ST8SIA3: variants seen among roughly 807,000 people sequenced by gnomAD.
The protein encoded by ST8SIA3 is ST8 alpha-N-acetyl-neuraminide alpha-2,8-sialyltransferase 3, also known as alpha-N-acetylneuraminate alpha-2,8-sialyltransferase ST8SIA3.
Under a neutral mutation model 34.5 loss-of-function variants are expected in ST8SIA3, and 17 were observed. The ratio of observed to expected loss-of-function variants is 0.49; its 90% CI spans 0.34 to 0.74. The LOEUF (loss-of-function observed/expected upper bound fraction) is 0.74, where lower values mean the gene tolerates loss of function less well. ST8SIA3 is among the 30% of genes least tolerant of loss of function. The pLI is 0.01. For missense variants in ST8SIA3, 354 were observed against 467.8 expected (o/e 0.76, Z 2.24); for synonymous variants, 172 against 176.1 (o/e 0.98, Z 0.19).
chr18:57,354,209 G>A (rs924962331), intron 1 of ST8SIA3, among the ~76,000 whole-genome samples, 193 bp from the exon 2 acceptor site: 8 of 152,212 alleles, frequency 5.3e-5, no homozygotes, highest in Non-Finnish European at 1.2e-4. Context: ...ATGCAGATGG[G>A]GTTCCCTAGT....
chr18:57,368,486 T>C lies in ST8SIA3; in HGVS notation c.*8209T>C, dbSNP rs982540581. 2.0e-5 allele frequency: 3 copies of C among 152,206 alleles called. No individual in the cohort carries two copies. Among genetic ancestry groups the C allele is most frequent in the Non-Finnish European group, 4.4e-5 (3 of 68,034 alleles). The allele number at this position is 152,206 out of a possible 1,614,324, so 9.4% of individuals were successfully genotyped here. On this transcript the variant is annotated 3_prime_UTR_variant, in exon 4 of 4. Coordinates refer to ENST00000324000, the MANE Select transcript of ST8SIA3 (RefSeq NM_015879.3). ...GCCCGCTCACCCCGTCACTCAACAC[T>C]TGATGCATTTGTTTTGGAAAGTGCC... is the stretch of plus-strand genomic sequence containing the variant.
chr18:57,360,146 T>C lies in ST8SIA3; in HGVS notation c.1012T>C (p.Tyr338His). The change falls in exon 4 of 4, where the codon TAC (tyrosine) becomes CAC (histidine). Residue 338 changes from tyrosine to histidine, a missense_variant. Transcript: ENST00000324000. ...PNTREDLPYH[Y>H]YDKKGTKFTT... ...CACAAGGGAAGATCTTCCATACCAT[T>C]ACTATGACAAAAAAGGAACCAAATT... 1 of 1,614,142 alleles carries C rather than the reference T, an allele frequency of 6.2e-7. No individual in the cohort carries two copies. The highest frequency in any genetic ancestry group is 8.5e-7 in the Non-Finnish European group (1 of 1,180,012).
chr18:57,357,533 C>G, intron 3 of ST8SIA3, 63 bp downstream of exon 3: 1 of 1,342,090 alleles, frequency 7.5e-7, no homozygotes, highest in Admixed American at 1.9e-5. Context: ...GTTGTAATCT[C>G]TTGGGGGTGG....
Position 57,364,319 on chromosome 18 carries a change from A to T in ST8SIA3, c.*4042A>T, listed in dbSNP as rs1162836745. On this transcript the variant is annotated 3_prime_UTR_variant, in exon 4 of 4. Coordinates refer to ENST00000324000, the MANE Select transcript of ST8SIA3 (RefSeq NM_015879.3). ...TTGTTGTGTTCTTCTCCATATATAT[A>T]CAACTTTCATCGGGGTCCCTTGAGT... 6.6e-6 allele frequency: 1 copy of T among 152,208 alleles called. No homozygotes were observed. The highest frequency in any genetic ancestry group is 1.9e-4 in the East Asian group (1 of 5,198). 9.4% of individuals were successfully genotyped at this position (152,208 alleles called of 1,614,324 possible).
At position 57,364,960 on chromosome 18, in the gene ST8SIA3, C is replaced by G. The variant is rs1414981233; in HGVS notation, c.*4683C>G. On this transcript the variant is annotated 3_prime_UTR_variant, in exon 4 of 4. Coordinates refer to ENST00000324000, the MANE Select transcript of ST8SIA3 (RefSeq NM_015879.3). ...AAGCCTATTCTCTTGTTGTTGATGA[C>G]AGTGGCATCAGAGTGAAGAGTTGTT... 1 of 152,186 alleles carries G rather than the reference C, an allele frequency of 6.6e-6. No homozygotes were observed. The highest frequency in any genetic ancestry group is 2.4e-5 in the African/African-American group (1 of 41,436). 9.4% of individuals were successfully genotyped at this position (152,186 alleles called of 1,614,324 possible). A position where few individuals can be genotyped will look rare whatever the true frequency, so the allele number is the denominator to read the frequency against.
chr18:57,353,317 G>A (rs1236886427), intron 1 of ST8SIA3, among the ~76,000 whole-genome samples: 3 of 152,170 alleles, frequency 2.0e-5, no homozygotes, highest in Non-Finnish European at 4.4e-5. Context: ...GCTTTCAGGA[G>A]GGTGAGGGTG....
At chr18:57,358,150 T>C (rs1165198563) in intron 3 of ST8SIA3, among the ~76,000 whole-genome samples, 1 of 152,192 alleles carries the variant, frequency 6.6e-6, no homozygotes, top group Non-Finnish European at 1.5e-5. Context: ...CTAATGTAAA[T>C]TATCTGGTGG....
At position 57,357,114 on chromosome 18, in the gene ST8SIA3, T is replaced by C; in HGVS notation, c.504T>C (p.Ser168=). ...ATATTTGTGCTGTGGTTGGAAATAG[T>C]GGGATCCTGACAGGGAGCCAGTGTG... ...HYNICAVVGN[S]GILTGSQCGQ... The change falls in exon 3 of 4, where the codon AGT becomes AGC. Residue 168 remains serine (S), a synonymous_variant. Coordinates refer to ENST00000324000, the MANE Select transcript of ST8SIA3 (RefSeq NM_015879.3). The C allele has an allele frequency of 6.2e-7, 1 of 1,614,096 alleles. No homozygotes were observed. The highest frequency in any genetic ancestry group is 8.5e-7 in the Non-Finnish European group (1 of 1,179,982).
chr18:57,357,924 A>T (rs918192826), intron 3 of ST8SIA3, among the ~76,000 whole-genome samples: 3 of 152,256 alleles, frequency 2.0e-5, no homozygotes, highest in African/African-American at 7.2e-5. Context: ...CACCTAAATC[A>T]TAAATTGCAC....
In ST8SIA3 at chr18:57,363,143, A is replaced by G. The variant is rs1342095269; in HGVS notation, c.*2866A>G. On this transcript the variant is annotated 3_prime_UTR_variant, in exon 4 of 4. Coordinates refer to ENST00000324000, the MANE Select transcript of ST8SIA3 (RefSeq NM_015879.3). ...TTCAGCTATTGGAATACATTTTACC[A>G]TAAAGCCCCCAAGGCTTTCTACCCA... 1 of 152,248 alleles carries G rather than the reference A, an allele frequency of 6.6e-6. No homozygotes were observed. 9.4% of individuals were successfully genotyped at this position (152,248 alleles called of 1,614,324 possible).
At chr18:57,354,132 C>G (rs1210798749) in intron 1 of ST8SIA3, among the ~76,000 whole-genome samples, 1 of 152,234 alleles carries the variant, frequency 6.6e-6, no homozygotes, top group African/African-American at 2.4e-5. Flanking sequence ...GCCCTGCGCC[C>G]GGCGTGCGCC....
intron 2 of ST8SIA3, among the ~76,000 whole-genome samples, chr18:57,355,700 T>C (rs1339767115): frequency 6.6e-6 from 1 of 152,192 alleles, no homozygotes; most frequent in Non-Finnish European, 1.5e-5. Context: ...AAAACATGTT[T>C]CTAACTCAAT....
At chr18:57,354,256 G>C (rs913734556) in intron 1 of ST8SIA3, 146 bp from the exon 2 acceptor site, 2 of 949,802 alleles carry the variant, frequency 2.1e-6, no homozygotes, top group Non-Finnish European at 3.2e-6. Flanking sequence ...GGGAGCAGAG[G>C]GTGGACCAAA....
rs1349662455 is a variant in ST8SIA3, at chr18:57,368,507, G to C, written c.*8230G>C. On this transcript the variant is annotated 3_prime_UTR_variant, in exon 4 of 4. Transcript: ENST00000324000. The stretch of plus-strand genomic sequence containing the variant: ...ACACTTGATGCATTTGTTTTGGAAA[G>C]TGCCATTTTATGCTGAGATACTGGT... The C allele has an allele frequency of 1.3e-5, 2 of 152,208 alleles. No individual in the cohort carries two copies. The highest frequency in any genetic ancestry group is 4.8e-5 in the African/African-American group (2 of 41,440). 9.4% of individuals were successfully genotyped at this position (152,208 alleles called of 1,614,324 possible).
chr18:57,354,871 A>G (rs2144199463), intron 2 of ST8SIA3, among the ~76,000 whole-genome samples: 1 of 151,122 alleles, frequency 6.6e-6, no homozygotes, highest in East Asian at 2.0e-4. Context: ...AAAAAAAAAC[A>G]GACAAAAGGT....
At position 57,353,006 on chromosome 18, in the gene ST8SIA3, A is replaced by C; in HGVS notation, c.160A>C (p.Met54Leu). 2.5e-6 allele frequency: 4 copies of C among 1,609,406 alleles called. No individual in the cohort carries two copies. The highest frequency in any genetic ancestry group is 3.4e-6 in the Non-Finnish European group (4 of 1,179,868). ...CAGCCCGGGGGCGCCCCGAATGTACATGTTCCACGCGGGATTCCGGTGAGT... is the reference window on the plus strand; with the variant it reads ...CAGCCCGGGGGCGCCCCGAATGTACCTGTTCCACGCGGGATTCCGGTGAGT... ...YASPGAPRMY[M>L]FHAGFRSQFA... The change falls in exon 1 of 4, where the codon ATG (methionine) becomes CTG (leucine). Residue 54 changes from methionine to leucine, a missense_variant. Met to Leu is a conservative substitution (Grantham distance 15). Transcript: ENST00000324000.
At position 57,360,363 on chromosome 18, in the gene ST8SIA3, T is replaced by C. The variant is rs775608973; in HGVS notation, c.*86T>C. 3.8e-5 allele frequency: 49 copies of C among 1,293,174 alleles called. No homozygotes were observed. Among genetic ancestry groups the C allele is most frequent in the Non-Finnish European group, 4.8e-5 (45 of 945,600 alleles). 80.1% of individuals were successfully genotyped at this position (1,293,174 alleles called of 1,614,324 possible). On this transcript the variant is annotated 3_prime_UTR_variant, in exon 4 of 4. Transcript: ENST00000324000. ...GCCTTCAGAATAGAACCCTAGAGAA[T>C]GTCTTATAAGGATTGTCTGCCATTT...
chr18:57,358,110 A>G (rs567413838), intron 3 of ST8SIA3, among the ~76,000 whole-genome samples: 1 of 152,330 alleles, frequency 6.6e-6, no homozygotes, highest in African/African-American at 2.4e-5. Context: ...CTTTAAAAAT[A>G]CTATTGTCTA....
At chr18:57,359,914 A>T in intron 3 of ST8SIA3, 81 bp from the exon 4 acceptor site, 1 of 1,297,428 alleles carries the variant, frequency 7.7e-7, no homozygotes, top group Non-Finnish European at 1.1e-6. Context: ...CAAATCCACT[A>T]CCCAGCCCAG....
Sources: allele counts gnomAD v4.1 joint callset (sites outside exome capture counted in the v4.1 genomes callset), GRCh38; gene constraint gnomAD v4.1.1; transcripts MANE v1.5; gene names NCBI Gene and HGNC (gene_info 2026-07-23, HGNC 2026-07-21).